Variants in ZNF333 observed in about 807,000 individuals in gnomAD.
The protein encoded by ZNF333 is zinc finger protein 333.
Under a neutral mutation model 76.1 loss-of-function variants are expected in ZNF333, and 61 were observed. The ratio of observed to expected loss-of-function variants is 0.80; its 90% CI spans 0.65 to 0.99. ZNF333 has a LOEUF of 0.99. ZNF333 is among the 50% of genes least tolerant of loss of function. ZNF333 has a pLI of 0.00. For synonymous variants in ZNF333, 284 were observed against 305.0 expected, an observed-to-expected ratio of 0.93 and a Z score of 0.72; for missense variants, 717 against 822.4, an observed-to-expected ratio of 0.87 and a Z score of 1.57.
At chr19:14,704,447 G>T (rs2042051844) in intron 5 of ZNF333, among the ~76,000 whole-genome samples, 1 of 152,096 alleles carries the variant, frequency 6.6e-6, no homozygotes, top group African/African-American at 2.4e-5. Context: ...ACCACACTTG[G>T]CTAATTTTTG....
rs962468862 is a variant in ZNF333, at chr19:14,731,344, C to A, written c.*158C>A. On this transcript the variant is annotated 3_prime_UTR_variant, in exon 12 of 12. Transcript: ENST00000540689. ...GCCTTGGACTTTCAAACTTCCAGTT[C>A]CGTGACATCCGGGCTCCTTAACTTC... 4 of 701,014 alleles carry A rather than the reference C, an allele frequency of 5.7e-6. No individual in the cohort carries two copies. The African/African-American group carries it at 7.2e-5, about 13-fold the overall frequency. 43.4% of individuals were successfully genotyped at this position (701,014 alleles called of 1,614,324 possible). A position where few individuals can be genotyped will look rare whatever the true frequency, so the allele number is the denominator to read the frequency against.
rs781261541 is a variant in ZNF333 at position 14,716,975 on chromosome 19, G to T, written c.728-19G>T. 2 of 1,602,628 alleles carry T rather than the reference G, an allele frequency of 1.2e-6. No homozygotes were observed. The highest frequency in any genetic ancestry group is 2.2e-5 in the South Asian group (2 of 89,334). ...ATGGCACAGTCCTCGCACAACATGTGTTTTTTTCTCATGAGCAGCTGATCA... is the reference window on the plus strand; with the variant it reads ...ATGGCACAGTCCTCGCACAACATGTTTTTTTTTCTCATGAGCAGCTGATCA... On this transcript the variant is annotated intron_variant, in intron 9 of 11. Coordinates refer to ENST00000292530, the MANE Select transcript of ZNF333 (RefSeq NM_032433.4).
intron 4 of ZNF333, among the ~76,000 whole-genome samples, chr19:14,697,726 C>T (rs934074415): frequency 6.6e-6 from 1 of 152,112 alleles, no homozygotes; most frequent in African/African-American, 2.4e-5. Context: ...AGCAGAATTG[C>T]TGGCTCATAT....
chr19:14,693,550 T>C, intron 2 of ZNF333, 56 bp downstream of exon 2: 1 of 1,554,678 alleles, frequency 6.4e-7, no homozygotes, highest in Non-Finnish European at 8.8e-7. Context: ...GATAACTATG[T>C]CCTCTGGGCC....
intron 1 of ZNF333, 76 bp from the exon 2 acceptor site, chr19:14,693,375 C>A: frequency 8.4e-7 from 1 of 1,197,064 alleles, no homozygotes; most frequent in Non-Finnish European, 1.2e-6. Flanking sequence ...ATTGTGACCA[C>A]TCTGCTGGAG....
At chr19:14,710,360 T>C (rs542125121) in intron 7 of ZNF333, among the ~76,000 whole-genome samples, 3 of 152,062 alleles carry the variant, frequency 2.0e-5, no homozygotes, top group Non-Finnish European at 4.4e-5. Context: ...GGGGGTTGAG[T>C]GTGGAGGAGG....
chr19:14,715,696 G>A (rs1277717946), intron 8 of ZNF333, among the ~76,000 whole-genome samples: 1 of 152,198 alleles, frequency 6.6e-6, no homozygotes, highest in African/African-American at 2.4e-5. Context: ...AAGCAAGGAT[G>A]TCAGCTGTCC....
chr19:14,713,163 C>T (rs2042326625), intron 7 of ZNF333, among the ~76,000 whole-genome samples: 2 of 152,110 alleles, frequency 1.3e-5, no homozygotes, highest in African/African-American at 4.8e-5. Flanking sequence ...ATCTGCGAAC[C>T]TGTGAGAAAT....
chr19:14,704,936 C>G, intron 5 of ZNF333, 118 bp from the exon 6 acceptor site: 1 of 872,722 alleles, frequency 1.1e-6, no homozygotes, highest in South Asian at 1.6e-5. Flanking sequence ...AGCCACTGCA[C>G]CCATCCCCAT....
chr19:14,697,644 C>T lies in ZNF333; in HGVS notation c.224-1555C>T, dbSNP rs985987161. Among the ~76,000 whole-genome samples the T allele has an allele frequency of 5.9e-5, 9 of 152,102 alleles. No homozygotes were observed. The South Asian group carries it at 6.2e-4, about 11-fold the overall frequency. On this transcript the variant is annotated intron_variant, in intron 4 of 11. Transcript: ENST00000292530. ...CCAGAGTGGTGGGATTACAGGCGTG[C>T]GCCACCGTGCCTGGCCTTGTGTACA...
At chr19:14,715,525 T>G in intron 8 of ZNF333, 55 bp downstream of exon 8, 1 of 1,539,188 alleles carries the variant, frequency 6.5e-7, no homozygotes, top group Non-Finnish European at 8.9e-7. Context: ...AGGCTGGACT[T>G]ACCTTCTTCC....
At chr19:14,695,258 G>A (rs1973092653) in intron 3 of ZNF333, 125 bp downstream of exon 3, 1 of 1,353,512 alleles carries the variant, frequency 7.4e-7, no homozygotes, top group African/African-American at 1.5e-5. Flanking sequence ...GGATGACAAA[G>A]CTTCATCTGT....
intron 11 of ZNF333, among the ~76,000 whole-genome samples, chr19:14,730,118 TCTCTGCTCACTGCAAC>T (rs1197189042): frequency 2.6e-5 from 4 of 152,190 alleles, no homozygotes; most frequent in Admixed American, 6.5e-5. Flanking sequence ...AATGGCACAA[TCTCTGCTCACTGCAAC>T]CTCTGCCTCC....
chr19:14,705,785 G>T (rs2042092496), intron 6 of ZNF333, among the ~76,000 whole-genome samples: 1 of 152,200 alleles, frequency 6.6e-6, no homozygotes. Context: ...AGGGATCTAG[G>T]CTGCAGGCTC....
At chr19:14,730,652 G>T (rs1054912979) in intron 11 of ZNF333, among the ~76,000 whole-genome samples, 2 of 152,018 alleles carry the variant, frequency 1.3e-5, no homozygotes, top group African/African-American at 2.4e-5. Flanking sequence ...TATCAACAGT[G>T]ATTTTTTTAA....
chr19:14,693,524 A>G, intron 2 of ZNF333, 30 bp downstream of exon 2: 1 of 1,597,672 alleles, frequency 6.3e-7, no homozygotes, highest in Non-Finnish European at 8.6e-7. Flanking sequence ...CTGTGGCTGA[A>G]GGGGTGGATA....
chr19:14,696,343 C>A (rs1466796384), intron 4 of ZNF333, among the ~76,000 whole-genome samples: 1 of 152,106 alleles, frequency 6.6e-6, no homozygotes, highest in East Asian at 1.9e-4. Flanking sequence ...CAGTTACTCC[C>A]CATTACCCCT....
At chr19:14,697,573 C>T (rs200819874) in intron 4 of ZNF333, among the ~76,000 whole-genome samples, 1 of 151,984 alleles carries the variant, frequency 6.6e-6, no homozygotes, top group Admixed American at 6.6e-5. Context: ...GTTGCCCAGG[C>T]TGGTCTTGAA....
intron 5 of ZNF333, chr19:14,701,591 C>T (rs1237922564): frequency 2.0e-6 from 2 of 985,288 alleles, no homozygotes; most frequent in Non-Finnish European, 2.4e-6. Context: ...CAGGTGGACC[C>T]CATGTGAAGA....
Sources: allele counts gnomAD v4.1 joint callset (sites outside exome capture counted in the v4.1 genomes callset), GRCh38; gene constraint gnomAD v4.1.1; transcripts MANE v1.5; gene names NCBI Gene and HGNC (gene_info 2026-07-23, HGNC 2026-07-21).